The following CA8 variants were observed in gnomAD, a reference collection of about 807,000 sequenced individuals.
CA8 encodes carbonic anhydrase 8 (inactive), also known as carbonic anhydrase-related protein.
Under a neutral mutation model 41.4 loss-of-function variants are expected in CA8, and 22 were observed. That is an observed-to-expected ratio of 0.53 (90% CI 0.38 to 0.76). The LOEUF (loss-of-function observed/expected upper bound fraction) is 0.76. Among genes scored for constraint, CA8 ranks in the 30% least tolerant of loss-of-function variants. The probability of loss-of-function intolerance (pLI) is 0.00; values close to 1 mark genes in which losing one functional copy is unlikely to be tolerated. For missense variants in CA8, 270 were observed against 352.8 expected (o/e 0.77, Z 1.88); for synonymous variants, 121 against 130.6 (o/e 0.93, Z 0.50).
rs1036876750 is a variant in CA8 at position 60,186,233 on chromosome 8, T to A, written c.*3788A>T. 5.3e-5 allele frequency among the ~76,000 whole-genome samples: 8 copies of A among 152,044 alleles called. No homozygotes were observed. Among genetic ancestry groups the A allele is most frequent in the Non-Finnish European group, 1.0e-4 (7 of 67,934 alleles). On this transcript the variant is annotated 3_prime_UTR_variant, in exon 9 of 9. Transcript: ENST00000317995. ...TTGTTGGGCTTACAGCATGTATAGATGTAATATGTATAACAATAATAGCAC... is the reference window on the plus strand; with the variant it reads ...TTGTTGGGCTTACAGCATGTATAGAAGTAATATGTATAACAATAATAGCAC...
Position 60,279,726 on chromosome 8 carries a change from A to C in CA8, c.255T>G (p.Asp85Glu), listed in dbSNP as rs780227062. 2 of 1,614,168 alleles carry C rather than the reference A, an allele frequency of 1.2e-6. No individual in the cohort carries two copies. Among genetic ancestry groups the C allele is most frequent in the East Asian group, 4.5e-5 (2 of 44,882 alleles). ...TCAGGATAACCTGAATGGTATGTCC[A>C]TCATTGGTGACTTCACAGTCTCGGC... ...VVCRDCEVTN[D>E]GHTIQVILKS... Residue 85 changes from aspartate (D) to glutamate (E), a missense_variant, in exon 2 of 9, where the codon GAT becomes GAG. Around this residue, in one of 3 missense-constraint regions of CA8, gnomAD observed 123 missense variants for 136.8 expected, o/e 0.90. Transcript: ENST00000317995.
intron 7 of CA8, among the ~76,000 whole-genome samples, chr8:60,215,412 G>A (rs1347777860): frequency 1.3e-5 from 2 of 149,730 alleles, no homozygotes; most frequent in African/African-American, 4.9e-5. Flanking sequence ...GACTCAGGGG[G>A]AAAGGGTGGG....
chr8:60,239,384 C>T (rs945400553), intron 3 of CA8, among the ~76,000 whole-genome samples: 3 of 152,104 alleles, frequency 2.0e-5, no homozygotes, highest in African/African-American at 4.8e-5. Flanking sequence ...AGCAGATACC[C>T]CTAGAGCAGG....
At chr8:60,250,861 C>T (rs1324252539) in intron 3 of CA8, among the ~76,000 whole-genome samples, 1 of 152,162 alleles carries the variant, frequency 6.6e-6, no homozygotes, top group Non-Finnish European at 1.5e-5. Flanking sequence ...CTGACCAACT[C>T]CATTCAAGAG....
At chr8:60,232,180 G>A in intron 4 of CA8, 104 bp downstream of exon 4, 1 of 831,112 alleles carries the variant, frequency 1.2e-6, no homozygotes. Flanking sequence ...CTCTATGTGT[G>A]TAATTTCATC....
chr8:60,252,909 T>C (rs953957683), intron 3 of CA8, among the ~76,000 whole-genome samples: 7 of 152,114 alleles, frequency 4.6e-5, no homozygotes, highest in Admixed American at 2.6e-4. Context: ...TATATTGTTC[T>C]TTAACTAATT....
At chr8:60,243,645 A>C (rs1329579179) in intron 3 of CA8, among the ~76,000 whole-genome samples, 2 of 151,820 alleles carry the variant, frequency 1.3e-5, no homozygotes, top group Non-Finnish European at 1.5e-5. Context: ...TCTCGTCTGA[A>C]ACTTCTCACC....
intron 3 of CA8, among the ~76,000 whole-genome samples, chr8:60,247,497 C>A (rs1171963447): frequency 6.6e-6 from 1 of 152,172 alleles, no homozygotes; most frequent in Non-Finnish European, 1.5e-5. Flanking sequence ...TGAGTGAGAA[C>A]ATGCAGTGTT....
chr8:60,234,776 C>T (rs1196485283), intron 3 of CA8, among the ~76,000 whole-genome samples: 1 of 152,236 alleles, frequency 6.6e-6, no homozygotes, highest in African/African-American at 2.4e-5. Flanking sequence ...AAGAGATTCT[C>T]CCTCCCCTCA....
At chr8:60,230,084 C>G (rs1033218609) in intron 4 of CA8, among the ~76,000 whole-genome samples, 1 of 152,168 alleles carries the variant, frequency 6.6e-6, no homozygotes, top group Admixed American at 6.5e-5. Context: ...GTTTTCTTTG[C>G]TCTATAAATA....
rs1808211670 is a variant in CA8, at chr8:60,245,814, C to G, written c.418-13435G>C. On this transcript the variant is annotated intron_variant, in intron 3 of 8. Coordinates refer to ENST00000317995, the MANE Select transcript of CA8 (RefSeq NM_004056.6). ...CATCAATGGGTGTGAACCAAAAAAG[C>G]TCAACAATTCAGATAGGAAATTTTA... Among the ~76,000 whole-genome samples the G allele has an allele frequency of 2.0e-5, 3 of 152,156 alleles. 1 individual carries two copies. Among genetic ancestry groups the G allele is most frequent in the South Asian group, 2.1e-4 (1 of 4,830 alleles).
chr8:60,251,294 A>G (rs1808435039), intron 3 of CA8, among the ~76,000 whole-genome samples: 1 of 152,214 alleles, frequency 6.6e-6, no homozygotes, highest in Non-Finnish European at 1.5e-5. Flanking sequence ...AACACCTGTC[A>G]CTATGCCTAG....
At chr8:60,202,236 T>C (rs934444719) in intron 8 of CA8, among the ~76,000 whole-genome samples, 2 of 150,678 alleles carry the variant, frequency 1.3e-5, no homozygotes, top group African/African-American at 4.9e-5. Flanking sequence ...GTATTTTTAG[T>C]AGAGATGGGG....
intron 8 of CA8, among the ~76,000 whole-genome samples, chr8:60,192,037 A>T (rs1185721565): frequency 6.6e-6 from 1 of 152,078 alleles, no homozygotes; most frequent in East Asian, 1.9e-4. Context: ...TCTCCCTCAC[A>T]TGGGGAAACT....
At chr8:60,225,384 A>G (rs1473521016) in intron 5 of CA8, among the ~76,000 whole-genome samples, 1 of 152,216 alleles carries the variant, frequency 6.6e-6, no homozygotes, top group Admixed American at 6.5e-5. Flanking sequence ...ACATTAAAGA[A>G]TCTAGCTTAC....
At chr8:60,274,521 T>C (rs1021788581) in intron 2 of CA8, among the ~76,000 whole-genome samples, 1 of 152,128 alleles carries the variant, frequency 6.6e-6, no homozygotes, top group Non-Finnish European at 1.5e-5. Flanking sequence ...CCAAAATCCA[T>C]GTTGAAACTG....
intron 3 of CA8, among the ~76,000 whole-genome samples, chr8:60,247,802 T>C (rs1304664667): frequency 6.6e-6 from 1 of 152,250 alleles, no homozygotes; most frequent in African/African-American, 2.4e-5. Context: ...ATGGTATTTC[T>C]GGTTCTAGAT....
chr8:60,223,956 T>G (rs373374345), intron 6 of CA8, among the ~76,000 whole-genome samples: 2 of 152,338 alleles, frequency 1.3e-5, no homozygotes, highest in East Asian at 3.9e-4. Flanking sequence ...ACAAGTGGAA[T>G]AATACATAAT....
Position 60,236,085 on chromosome 8 carries a change from G to A in CA8, c.418-3706C>T, listed in dbSNP as rs541806685. 2.0e-5 allele frequency among the ~76,000 whole-genome samples: 3 copies of A among 152,256 alleles called. No homozygotes were observed. In the East Asian group the frequency reaches 5.8e-4, roughly 29 times the overall value. On this transcript the variant is annotated intron_variant, in intron 3 of 8. Transcript: ENST00000317995. ...AATTGTTTGATCAAACACCAGTCTA[G>A]ATGTTGCAGCAAAGGTGCTTCCTAG... is the stretch of plus-strand genomic sequence containing the variant.
Sources: gnomAD v4.1 joint callset for allele counts (sites outside exome capture counted in the v4.1 genomes callset) on GRCh38, gnomAD v4.1.1 for gene constraint, gnomAD v4.1.1 regional missense constraint, MANE v1.5 for transcripts, NCBI Gene and HGNC (gene_info 2026-07-23, HGNC 2026-07-21) for gene names.